The following THSD7B variants were observed in gnomAD, a reference collection of about 807,000 sequenced individuals.
THSD7B encodes thrombospondin type 1 domain containing 7B, also known as thrombospondin type-1 domain-containing protein 7B.
Under a neutral mutation model 213.6 loss-of-function variants are expected in THSD7B, and 138 were observed. The observed-to-expected ratio is 0.65, with a 90% CI of 0.56 to 0.74. THSD7B has a LOEUF of 0.74. Ranked by LOEUF, THSD7B falls within the 30% of genes least tolerant of loss-of-function variation. The pLI, the probability that THSD7B is intolerant of heterozygous loss-of-function variation, is 0.00. For missense variants in THSD7B, 1,931 were observed against 1,991.5 expected (o/e 0.97, Z 0.58); for synonymous variants, 742 against 687.0 (o/e 1.08, Z -1.25).
At chr2:137,081,827 A>T (rs879699815) in intron 3 of THSD7B, among the ~76,000 whole-genome samples, 2 of 152,110 alleles carry the variant, frequency 1.3e-5, no homozygotes, top group South Asian at 2.1e-4. Flanking sequence ...TTTCCAAAGC[A>T]TCCTCTTTTG....
At chr2:137,080,214 A>T (rs968572021) in intron 3 of THSD7B, among the ~76,000 whole-genome samples, 1 of 149,874 alleles carries the variant, frequency 6.7e-6, no homozygotes, top group Admixed American at 6.7e-5. Flanking sequence ...ATTGTATTGT[A>T]TTTTGAGACA....
At chr2:137,480,137 T>C (rs1688273714) in intron 15 of THSD7B, among the ~76,000 whole-genome samples, 1 of 152,172 alleles carries the variant, frequency 6.6e-6, no homozygotes, top group African/African-American at 2.4e-5. Context: ...TGAATCCCTA[T>C]CTTCTCTCTA....
intron 17 of THSD7B, among the ~76,000 whole-genome samples, chr2:137,609,898 A>C (rs1168202512): frequency 3.9e-5 from 6 of 152,152 alleles, no homozygotes; most frequent in Non-Finnish European, 8.8e-5. Context: ...TGGGTTGTGC[A>C]TTCTACTTTG....
At chr2:137,377,910 C>G (rs1026847121) in intron 12 of THSD7B, among the ~76,000 whole-genome samples, 2 of 152,156 alleles carry the variant, frequency 1.3e-5, no homozygotes, top group Non-Finnish European at 1.5e-5. Flanking sequence ...CAGGCATAAG[C>G]TACCGCGCCT....
chr2:136,812,596 T>C (rs536311105), intron 1 of THSD7B, among the ~76,000 whole-genome samples: 61 of 152,314 alleles, frequency 4.0e-4, no homozygotes, highest in Non-Finnish European at 8.2e-4. Context: ...TTATATACAA[T>C]GTCCTATTTA....
At chr2:137,310,087 C>T (rs571373448) in intron 12 of THSD7B, among the ~76,000 whole-genome samples, 4 of 151,828 alleles carry the variant, frequency 2.6e-5, no homozygotes, top group Admixed American at 6.6e-5. Flanking sequence ...GCCACACTGA[C>T]TTCCACAATG....
chr2:137,227,446 A>T (rs1383171082), intron 7 of THSD7B, among the ~76,000 whole-genome samples: 1 of 152,154 alleles, frequency 6.6e-6, no homozygotes, highest in African/African-American at 2.4e-5. Flanking sequence ...ACATTAGATT[A>T]TCCGAGCTTG....
In THSD7B at chr2:137,211,342, A is replaced by ACACACACACACACACACACACAGAGG. The variant is rs1553479477; in HGVS notation, c.1724-19680_1724-19679insGAGGCACACACACACACACACACACA. On this transcript the variant is annotated intron_variant, in intron 7 of 27. Transcript: ENST00000409968. ...GACTCTATCCTTCCTACACACACAC[A>ACACACACACACACACACACACAGAGG]CACACACACACACACACACACACGG... 6.8e-4 allele frequency among the ~76,000 whole-genome samples: 79 copies of ACACACACACACACACACACACAGAGG among 115,734 alleles called. 1 individual carries two copies. In the East Asian group the frequency reaches 9.4e-3, roughly 14 times the overall value. 75.9% of individuals were successfully genotyped at this position (115,734 alleles called of 152,430 possible). A position where few individuals can be genotyped will look rare whatever the true frequency, so the allele number is the denominator to read the frequency against.
intron 10 of THSD7B, 88 bp downstream of exon 10, chr2:137,242,660 C>A: frequency 1.1e-6 from 1 of 878,304 alleles, no homozygotes; most frequent in Non-Finnish European, 1.7e-6. Flanking sequence ...GGAATGTGAG[C>A]ACCTTTTTTT....
intron 7 of THSD7B, among the ~76,000 whole-genome samples, chr2:137,211,718 C>T (rs1681117318): frequency 6.6e-6 from 1 of 151,336 alleles, no homozygotes; most frequent in South Asian, 2.1e-4. Context: ...TGTGAAATTG[C>T]TTGATAAACA....
At chr2:137,431,437 T>C (rs191709435) in intron 14 of THSD7B, among the ~76,000 whole-genome samples, 360 of 152,272 alleles carry the variant, frequency 2.4e-3, no homozygotes, top group African/African-American at 7.8e-3. Flanking sequence ...CCCTTTAGGA[T>C]TGGGAGGGCC....
intron 12 of THSD7B, among the ~76,000 whole-genome samples, chr2:137,404,776 G>T (rs1011958325): frequency 9.9e-5 from 15 of 151,852 alleles, no homozygotes; most frequent in Non-Finnish European, 2.1e-4. Flanking sequence ...AACATCATAT[G>T]CTCTCACTGA....
chr2:136,857,474 C>T (rs1683194211), intron 1 of THSD7B, among the ~76,000 whole-genome samples: 1 of 152,196 alleles, frequency 6.6e-6, no homozygotes, highest in Admixed American at 6.5e-5. Context: ...GTTCTTTTAC[C>T]AAGTCCTAGG....
At chr2:137,094,729 T>C (rs2104918580) in intron 3 of THSD7B, 144 bp from the exon 4 acceptor site, 1 of 958,054 alleles carries the variant, frequency 1.0e-6, no homozygotes, top group East Asian at 2.5e-5. Flanking sequence ...TATTTTTTCA[T>C]GATGTCTCTA....
chr2:137,331,029 T>A (rs1684492895), intron 12 of THSD7B, among the ~76,000 whole-genome samples: 1 of 151,906 alleles, frequency 6.6e-6, no homozygotes, highest in South Asian at 2.1e-4. Context: ...AGATACAGAG[T>A]GTCCATTGGT....
At chr2:137,546,477 T>C (rs1225971597) in intron 15 of THSD7B, among the ~76,000 whole-genome samples, 1 of 59,858 alleles carries the variant, frequency 1.7e-5, no homozygotes, top group African/African-American at 8.4e-5. Flanking sequence ...TATATATATA[T>C]AATATATATA....
At chr2:136,846,047 A>G (rs1683004807) in intron 1 of THSD7B, among the ~76,000 whole-genome samples, 1 of 151,844 alleles carries the variant, frequency 6.6e-6, no homozygotes, top group South Asian at 2.1e-4. Flanking sequence ...CTGAGGGATG[A>G]CTCCTTAGAC....
intron 15 of THSD7B, among the ~76,000 whole-genome samples, chr2:137,477,499 A>T (rs1324429489): frequency 6.6e-6 from 1 of 151,512 alleles, no homozygotes; most frequent in Non-Finnish European, 1.5e-5. Flanking sequence ...ATTTATTTAT[A>T]CTCATGATTA....
intron 1 of THSD7B, among the ~76,000 whole-genome samples, chr2:136,786,071 T>C (rs563270534): frequency 8.5e-5 from 13 of 152,266 alleles, no homozygotes; most frequent in Non-Finnish European, 5.9e-5. Context: ...CATATAATCA[T>C]GTTGAGGCTA....
Sources: allele counts gnomAD v4.1 joint callset (sites outside exome capture counted in the v4.1 genomes callset), GRCh38; gene constraint gnomAD v4.1.1; transcripts MANE v1.5; gene names NCBI Gene and HGNC (gene_info 2026-07-23, HGNC 2026-07-21).